The following SORCS3 variants were observed in gnomAD, a reference collection of about 807,000 sequenced individuals.
The protein encoded by SORCS3 is VPS10 domain-containing receptor SorCS3.
SORCS3 carries 57 observed loss-of-function variants against 146.3 expected under a neutral mutation model. That is an observed-to-expected ratio of 0.39 (90% CI 0.31 to 0.49). SORCS3 has a LOEUF of 0.49. Among genes scored for constraint, SORCS3 ranks in the 20% least tolerant of loss-of-function variants. The probability of loss-of-function intolerance (pLI) is 0.92; values close to 1 mark genes in which losing one functional copy is unlikely to be tolerated. For missense variants in SORCS3, 1,341 were observed against 1,575.5 expected, an observed-to-expected ratio of 0.85 and a Z score of 2.52; for synonymous variants, 653 against 618.5, an observed-to-expected ratio of 1.06 and a Z score of -0.83.
intron 1 of SORCS3, among the ~76,000 whole-genome samples, chr10:104,660,154 A>C (rs1405413276): frequency 6.6e-6 from 1 of 152,136 alleles, no homozygotes; most frequent in Non-Finnish European, 1.5e-5. Context: ...ACGGCAGGTG[A>C]CTCTAAAAAT....
At chr10:105,221,296 C>T (rs903731513) in intron 19 of SORCS3, among the ~76,000 whole-genome samples, 2 of 152,142 alleles carry the variant, frequency 1.3e-5, no homozygotes, top group African/African-American at 4.8e-5. Context: ...CATAAAATTA[C>T]CTATGACACA....
At chr10:105,134,568 A>G (rs1349026070) in intron 7 of SORCS3, among the ~76,000 whole-genome samples, 3 of 151,988 alleles carry the variant, frequency 2.0e-5, no homozygotes, top group African/African-American at 7.2e-5. Flanking sequence ...AAAAAAAAAA[A>G]AAAGAAGCCT....
At chr10:104,897,336 C>G (rs1250754021) in intron 2 of SORCS3, among the ~76,000 whole-genome samples, 1 of 152,154 alleles carries the variant, frequency 6.6e-6, no homozygotes, top group African/African-American at 2.4e-5. Flanking sequence ...TCTTTTCCAA[C>G]AATGATCTCA....
chr10:104,861,952 A>G (rs889299972), intron 2 of SORCS3, among the ~76,000 whole-genome samples: 1 of 152,132 alleles, frequency 6.6e-6, no homozygotes, highest in African/African-American at 2.4e-5. Flanking sequence ...TTATCTCCGC[A>G]TGTGTGCCTG....
intron 7 of SORCS3, among the ~76,000 whole-genome samples, chr10:105,128,717 G>A (rs966439231): frequency 4.6e-5 from 7 of 152,062 alleles, no homozygotes; most frequent in Non-Finnish European, 8.8e-5. Flanking sequence ...AGTGCCCCAC[G>A]CAATCATTAG....
intron 14 of SORCS3, among the ~76,000 whole-genome samples, chr10:105,184,309 G>A (rs1195613945): frequency 1.3e-5 from 2 of 152,182 alleles, no homozygotes; most frequent in Non-Finnish European, 2.9e-5. Context: ...ACTGAATCTT[G>A]AATTTCATAT....
intron 1 of SORCS3, among the ~76,000 whole-genome samples, chr10:104,719,265 T>A (rs1273054614): frequency 6.6e-6 from 1 of 152,170 alleles, no homozygotes; most frequent in East Asian, 1.9e-4. Flanking sequence ...ATCCTGATTA[T>A]TTTATTCCTT....
intron 4 of SORCS3, among the ~76,000 whole-genome samples, chr10:104,987,070 T>C (rs922863842): frequency 4.6e-5 from 7 of 152,150 alleles, no homozygotes; most frequent in African/African-American, 1.7e-4. Flanking sequence ...CTGTACGCAT[T>C]ACATATTACA....
At chr10:104,817,669 CCCCT>C (rs774981448) in intron 1 of SORCS3, among the ~76,000 whole-genome samples, 4,237 of 64,236 alleles carry the variant, frequency 0.066, 303 homozygotes, top group South Asian at 0.15. Context: ...CTCCCCCCTC[CCCCT>C]CTTCCCCTTT....
At chr10:105,218,638 T>C (rs2056679223) in intron 19 of SORCS3, among the ~76,000 whole-genome samples, 1 of 152,208 alleles carries the variant, frequency 6.6e-6, no homozygotes, top group African/African-American at 2.4e-5. Flanking sequence ...ACAAGGGAGA[T>C]CTGTGCTTGA....
intron 2 of SORCS3, among the ~76,000 whole-genome samples, chr10:104,888,552 CT>C (rs112305091): frequency 2.6e-5 from 4 of 151,842 alleles, no homozygotes; most frequent in Non-Finnish European, 5.9e-5. Flanking sequence ...CAGTACTCAC[CT>C]TTTTTTTCTA....
Position 105,214,483 on chromosome 10 carries a change from G to A in SORCS3, c.2417G>A (p.Arg806Lys). The A allele has an allele frequency of 6.2e-7, 1 of 1,614,212 alleles. No homozygotes were observed. Among genetic ancestry groups the A allele is most frequent in the Non-Finnish European group, 8.5e-7 (1 of 1,180,042 alleles). The change falls in exon 18 of 27, where the codon AGG becomes AAG. Residue 806 changes from arginine to lysine, a missense_variant. Transcript: ENST00000369701. The part of the protein sequence containing the change: ...IVSNNCTDGL[R>K]EKYTAKAQMC... ...TCCAACAACTGCACAGATGGGCTAA[G>A]GGAGAAGTACACCGCCAAGGCCCAG...
intron 2 of SORCS3, among the ~76,000 whole-genome samples, chr10:104,850,851 C>T (rs1286214718): frequency 1.3e-5 from 2 of 152,198 alleles, no homozygotes; most frequent in East Asian, 3.9e-4. Context: ...AGATACCTTT[C>T]CTGAGCTAAC....
chr10:104,763,207 C>A (rs2017142101), intron 1 of SORCS3, among the ~76,000 whole-genome samples: 4 of 152,176 alleles, frequency 2.6e-5, no homozygotes, highest in Admixed American at 2.6e-4. Context: ...ATAAGCCCTC[C>A]AGGTGATTCT....
chr10:104,867,303 T>C (rs1036814347), intron 2 of SORCS3, among the ~76,000 whole-genome samples: 10 of 150,458 alleles, frequency 6.6e-5, no homozygotes, highest in Admixed American at 4.6e-4. Context: ...AAATTCCCAG[T>C]GTACAATTTT....
intron 3 of SORCS3, among the ~76,000 whole-genome samples, chr10:104,940,636 T>C (rs7074335): frequency 0.93 from 141,642 of 152,006 alleles, 66,148 homozygotes; most frequent in East Asian, 1. Flanking sequence ...CTTAATCCAC[T>C]CTATCATTGA....
chr10:104,763,191 G>A (rs536596907), intron 1 of SORCS3, among the ~76,000 whole-genome samples: 15 of 152,206 alleles, frequency 9.9e-5, no homozygotes, highest in East Asian at 1.9e-4. Context: ...AGTATTCTGC[G>A]GTTTAATAAG....
At chr10:105,078,955 CT>C (rs1322509690) in intron 5 of SORCS3, among the ~76,000 whole-genome samples, 1 of 141,056 alleles carries the variant, frequency 7.1e-6, no homozygotes, top group African/African-American at 2.6e-5. Context: ...GAGATTGTAT[CT>C]TGGGCTCTAA....
chr10:104,695,983 G>A (rs1346291430), intron 1 of SORCS3, among the ~76,000 whole-genome samples: 7 of 128,204 alleles, frequency 5.5e-5, no homozygotes, highest in African/African-American at 1.5e-4. Context: ...TATATAATAT[G>A]TATTATATAC....
Sources: allele counts gnomAD v4.1 joint callset (sites outside exome capture counted in the v4.1 genomes callset), GRCh38; gene constraint gnomAD v4.1.1; transcripts MANE v1.5; gene names NCBI Gene and HGNC (gene_info 2026-07-23, HGNC 2026-07-21).